The following ACSS3 variants were observed in gnomAD, a reference collection of about 807,000 sequenced individuals.
The protein encoded by ACSS3 is acyl-CoA synthetase short chain family member 3, also known as acyl-CoA synthetase short-chain family member 3, mitochondrial.
In ACSS3, 64 loss-of-function variants were observed where a neutral mutation model predicts 84.2. That is an observed-to-expected ratio of 0.76 (90% CI 0.62 to 0.94). The LOEUF is 0.94. Among genes scored for constraint, ACSS3 ranks in the 40% least tolerant of loss-of-function variants. ACSS3 has a pLI of 0.00. For synonymous variants in ACSS3, 317 were observed against 310.1 expected (o/e 1.02, Z -0.23); for missense variants, 815 against 867.6 (o/e 0.94, Z 0.76).
chr12:81,233,168 G>A (rs2033521872), intron 12 of ACSS3, among the ~76,000 whole-genome samples, 181 bp from the exon 13 acceptor site: 1 of 151,710 alleles, frequency 6.6e-6, no homozygotes, highest in Non-Finnish European at 1.5e-5. Flanking sequence ...TGTTAGAGGA[G>A]CAAAGAGATT....
intron 7 of ACSS3, among the ~76,000 whole-genome samples, chr12:81,166,996 C>T (rs1048190819): frequency 6.6e-6 from 1 of 152,202 alleles, no homozygotes; most frequent in Non-Finnish European, 1.5e-5. Flanking sequence ...TGCACATCCA[C>T]ATGAAATAAC....
chr12:81,186,786 G>T (rs2031283232), intron 8 of ACSS3, among the ~76,000 whole-genome samples: 1 of 151,852 alleles, frequency 6.6e-6, no homozygotes, highest in African/African-American at 2.4e-5. Flanking sequence ...AGCCATTTTA[G>T]AAAACAGTAT....
At chr12:81,078,016 T>G, upstream of ACSS3, 1 of 1,289,064 alleles carries the variant, frequency 7.8e-7, no homozygotes, top group Non-Finnish European at 1.0e-6. Flanking sequence ...GGCTCTGGGC[T>G]CACTTCGGAA....
chr12:81,101,580 A>C (rs1882515712), intron 1 of ACSS3, among the ~76,000 whole-genome samples: 1 of 152,150 alleles, frequency 6.6e-6, no homozygotes, highest in African/African-American at 2.4e-5. Flanking sequence ...TTTCATATTG[A>C]TATATGTATA....
At chr12:81,194,521 C>T (rs958087300) in intron 8 of ACSS3, among the ~76,000 whole-genome samples, 1 of 151,784 alleles carries the variant, frequency 6.6e-6, no homozygotes, top group Non-Finnish European at 1.5e-5. Context: ...CCTTTGCATT[C>T]AATAAATAGT....
chr12:81,106,729 C>T (rs181798233), intron 1 of ACSS3, among the ~76,000 whole-genome samples: 2 of 152,220 alleles, frequency 1.3e-5, no homozygotes, highest in Non-Finnish European at 2.9e-5. Context: ...GCCATTATAG[C>T]AGCATATGGA....
chr12:81,234,527 G>T (rs1344577960), intron 13 of ACSS3, among the ~76,000 whole-genome samples: 1 of 151,138 alleles, frequency 6.6e-6, no homozygotes, highest in Non-Finnish European at 1.5e-5. Flanking sequence ...AGTATTTAAG[G>T]GTTCATACTT....
At chr12:81,082,038 T>A (rs561328372) in intron 1 of ACSS3, among the ~76,000 whole-genome samples, 1 of 152,298 alleles carries the variant, frequency 6.6e-6, no homozygotes, top group East Asian at 1.9e-4. Context: ...CACAGCAGCG[T>A]GAAAGACATG....
At chr12:81,183,538 A>G (rs1274414364) in intron 8 of ACSS3, among the ~76,000 whole-genome samples, 1 of 152,092 alleles carries the variant, frequency 6.6e-6, no homozygotes, top group African/African-American at 2.4e-5. Flanking sequence ...GGATTAAACA[A>G]GATTCACTGA....
chr12:81,093,804 A>C (rs1038266184), intron 1 of ACSS3, among the ~76,000 whole-genome samples: 9 of 152,172 alleles, frequency 5.9e-5, no homozygotes, highest in Middle Eastern at 6.8e-3. Context: ...TTTTGCACTT[A>C]TTTATTTATA....
intron 1 of ACSS3, among the ~76,000 whole-genome samples, chr12:81,082,054 A>G (rs939020604): frequency 2.0e-5 from 3 of 152,210 alleles, no homozygotes; most frequent in Non-Finnish European, 4.4e-5. Flanking sequence ...ACATGCATTA[A>G]ATTATTACAA....
At chr12:81,179,553 T>A (rs1015512170) in intron 8 of ACSS3, among the ~76,000 whole-genome samples, 1 of 151,716 alleles carries the variant, frequency 6.6e-6, no homozygotes, top group Non-Finnish European at 1.5e-5. Context: ...GAGGCCGAGG[T>A]GGGCAGATCA....
chr12:81,087,684 T>C (rs1182138836), intron 1 of ACSS3, among the ~76,000 whole-genome samples: 1 of 152,126 alleles, frequency 6.6e-6, no homozygotes, highest in Non-Finnish European at 1.5e-5. Flanking sequence ...TAGAATTCCA[T>C]TGATTTTCAA....
chr12:81,099,189 T>C (rs145704863), intron 1 of ACSS3, among the ~76,000 whole-genome samples: 1 of 152,280 alleles, frequency 6.6e-6, no homozygotes, highest in East Asian at 1.9e-4. Flanking sequence ...CTTTGAATTG[T>C]TTCCAATATG....
intron 8 of ACSS3, among the ~76,000 whole-genome samples, chr12:81,182,070 T>C (rs929227894): frequency 2.6e-5 from 4 of 152,092 alleles, no homozygotes; most frequent in African/African-American, 9.7e-5. Flanking sequence ...AGCGCACAGA[T>C]CCCAAAATAG....
chr12:81,153,965 C>T (rs528372712), intron 7 of ACSS3, among the ~76,000 whole-genome samples: 11 of 152,122 alleles, frequency 7.2e-5, no homozygotes, highest in Non-Finnish European at 1.2e-4. Flanking sequence ...TTATATCTTG[C>T]GGACTTGATA....
At chr12:81,242,123 G>C (rs921050605) in intron 13 of ACSS3, among the ~76,000 whole-genome samples, 8 of 151,924 alleles carry the variant, frequency 5.3e-5, no homozygotes, top group Non-Finnish European at 1.2e-4. Flanking sequence ...TTTTTCCTCA[G>C]GTTTGTCAAA....
At chr12:81,174,144 A>G (rs1399835658) in intron 7 of ACSS3, among the ~76,000 whole-genome samples, 1 of 152,216 alleles carries the variant, frequency 6.6e-6, no homozygotes, top group Non-Finnish European at 1.5e-5. Context: ...TTTCAGAAAC[A>G]TCAACTAAAC....
chr12:81,111,261 G>C (rs1187357049), intron 2 of ACSS3, among the ~76,000 whole-genome samples: 1 of 152,192 alleles, frequency 6.6e-6, no homozygotes, highest in Admixed American at 6.5e-5. Flanking sequence ...TCACTGCCTT[G>C]AGTCAATCTT....
Sources: gnomAD v4.1 joint callset for allele counts (sites outside exome capture counted in the v4.1 genomes callset) on GRCh38, gnomAD v4.1.1 for gene constraint, MANE v1.5 for transcripts, NCBI Gene and HGNC (gene_info 2026-07-23, HGNC 2026-07-21) for gene names.